LRRC43: variants seen among roughly 807,000 people sequenced by gnomAD.
LRRC43 encodes the protein leucine rich repeat containing 43.
In LRRC43, 62 loss-of-function variants were observed where a neutral mutation model predicts 64.3. The observed-to-expected ratio is 0.96, with a 90% CI of 0.79 to 1.19. LRRC43 has a LOEUF of 1.19. Among genes scored for constraint, LRRC43 ranks in the 50% most tolerant of loss-of-function variants. The pLI is 0.00. For synonymous variants in LRRC43, 422 were observed against 382.3 expected (o/e 1.10, Z -1.21); for missense variants, 868 against 845.0 (o/e 1.03, Z -0.34).
At chr12:122,193,090 C>T (rs1566011194) in intron 7 of LRRC43, 86 bp downstream of exon 7, 1 of 1,465,056 alleles carries the variant, frequency 6.8e-7, no homozygotes, top group East Asian at 2.4e-5. Context: ...CATTAAAAGT[C>T]CTGAGGCTGG....
intron 5 of LRRC43, 28 bp downstream of exon 5, chr12:122,190,396 G>A (rs746572209): frequency 7.0e-6 from 11 of 1,578,018 alleles, no homozygotes; most frequent in Admixed American, 1.7e-5. Flanking sequence ...CAGGGAGGGG[G>A]TGGCATGTGA....
At chr12:122,202,873 C>G (rs1953858110) in intron 11 of LRRC43, among the ~76,000 whole-genome samples, 1 of 152,174 alleles carries the variant, frequency 6.6e-6, no homozygotes, top group Admixed American at 6.5e-5. Context: ...AGGCGGATCA[C>G]TTGAGGTCAG....
chr12:122,187,514 T>A (rs1407224570), intron 3 of LRRC43, 187 bp from the exon 4 acceptor site: 1 of 556,802 alleles, frequency 1.8e-6, no homozygotes, highest in African/African-American at 1.9e-5. Context: ...AAAAGAAACT[T>A]CCCAAGACCT....
Position 122,195,253 on chromosome 12 carries a change from A to AT in LRRC43, c.1349+2262dup, listed in dbSNP as rs796677895. Among the ~76,000 whole-genome samples, 262 of 143,784 alleles carry AT rather than the reference A, an allele frequency of 1.8e-3. 1 individual carries two copies. The highest frequency in any genetic ancestry group is 8.4e-3 in the East Asian group (42 of 4,996). 94.3% of individuals were successfully genotyped at this position (143,784 alleles called of 152,430 possible). ...TTCTTTTCCCCTGCTACCCCAGAACATTTTTTTTTTTTTGAGAGGGAGTCT... is the reference window on the plus strand; with the variant it reads ...TTCTTTTCCCCTGCTACCCCAGAACATTTTTTTTTTTTTTGAGAGGGAGTCT... On this transcript the variant is annotated intron_variant, in intron 7 of 11. Transcript: ENST00000339777.
intron 4 of LRRC43, 29 bp from the exon 5 acceptor site, chr12:122,190,101 A>T (rs780976458): frequency 1.3e-5 from 21 of 1,588,408 alleles, no homozygotes; most frequent in Non-Finnish European, 1.7e-5. Context: ...TGGCTTCTTG[A>T]CCCCCAGACG....
intron 7 of LRRC43, among the ~76,000 whole-genome samples, chr12:122,193,229 A>G (rs1175040720): frequency 6.6e-6 from 1 of 151,562 alleles, no homozygotes; most frequent in East Asian, 1.9e-4. Flanking sequence ...AAATACGAAA[A>G]AATTAGCCAG....
rs754921318 is a variant in LRRC43, at chr12:122,184,689, C to T, written c.321C>T (p.Phe107=). ...LLNNSNAEDS[F]LRELAIRNPL... is the part of the protein sequence containing the mutation. ...ACAACTCGAATGCAGAAGACAGTTT[C>T]CTGAGAGAATTGGCCATCCGGAACC... The change falls in exon 2 of 12, where the codon TTC becomes TTT. Residue 107 remains phenylalanine, a synonymous_variant. Coordinates refer to ENST00000339777, the MANE Select transcript of LRRC43 (RefSeq NM_001098519.2). This position sits in a 1 kb window ranked among gnomAD's most constrained non-coding sequence, Gnocchi z 4.0. 2.5e-6 allele frequency: 4 copies of T among 1,614,002 alleles called. No homozygotes were observed. The South Asian group carries it at 3.3e-5, about 13-fold the overall frequency.
chr12:122,183,222 C>A lies in LRRC43; in HGVS notation c.78C>A (p.Thr26=). Residue 26 remains threonine (T), a synonymous_variant, in exon 1 of 12, where the codon ACC becomes ACA. Coordinates refer to ENST00000339777, the MANE Select transcript of LRRC43 (RefSeq NM_001098519.2). ...GGACTCAGCGGCCCGGGACCGGGAC[C>A]GTGAGCGCGGCCGTGCGCGAGCACT... ...GPGTQRPGTG[T]VSAAVREHLR... The A allele has an allele frequency of 6.4e-7, 1 of 1,566,564 alleles. No individual in the cohort carries two copies. Among genetic ancestry groups the A allele is most frequent in the East Asian group, 2.4e-5 (1 of 41,084 alleles).
At chr12:122,192,712 C>G (rs1232760526) in intron 6 of LRRC43, 33 bp from the exon 7 acceptor site, 1 of 1,605,788 alleles carries the variant, frequency 6.2e-7, no homozygotes, top group African/African-American at 1.3e-5. Context: ...CTGAAGACGG[C>G]AGCCTTGGAC....
intron 1 of LRRC43, among the ~76,000 whole-genome samples, chr12:122,175,984 G>A (rs1382503865): frequency 1.3e-5 from 2 of 152,122 alleles, no homozygotes; most frequent in East Asian, 1.9e-4. Flanking sequence ...TCATATTTTA[G>A]TGCCAGCTTT....
intron 6 of LRRC43, 94 bp from the exon 7 acceptor site, chr12:122,192,651 C>A: frequency 7.0e-7 from 1 of 1,436,434 alleles, no homozygotes; most frequent in East Asian, 2.3e-5. Flanking sequence ...GAACCTCATC[C>A]AGATGTCGGG....
At chr12:122,189,015 C>T (rs548232051) in intron 4 of LRRC43, among the ~76,000 whole-genome samples, 1 of 152,270 alleles carries the variant, frequency 6.6e-6, no homozygotes, top group African/African-American at 2.4e-5. Context: ...GCCGCTCCAT[C>T]GCTATTGAAG....
chr12:122,193,092 TGA>T (rs1953737457), intron 7 of LRRC43, 88 bp downstream of exon 7: 20 of 1,455,588 alleles, frequency 1.4e-5, no homozygotes, highest in Non-Finnish European at 1.9e-5. Context: ...TTAAAAGTCC[TGA>T]GGCTGGCGGG....
rs535581683 is a variant in LRRC43, at chr12:122,189,730, C to A, written c.663-400C>A. Among the ~76,000 whole-genome samples, 4 of 152,352 alleles carry A rather than the reference C, an allele frequency of 2.6e-5. No individual in the cohort carries two copies. The East Asian group carries it at 7.7e-4, about 29-fold the overall frequency. On this transcript the variant is annotated intron_variant, in intron 4 of 11. Transcript: ENST00000339777. Reference sequence around the variant, plus strand: ...CAACCCCACTCCTGCCCTGTCCACTCCTGCCCTGTCCACAACTCCCCCACG... The same window carrying A: ...CAACCCCACTCCTGCCCTGTCCACTACTGCCCTGTCCACAACTCCCCCACG...
In LRRC43 at chr12:122,200,763, G is replaced by A; in HGVS notation, c.1638G>A (p.Lys546=). The A allele has an allele frequency of 6.2e-7, 1 of 1,612,858 alleles. No homozygotes were observed. Among genetic ancestry groups the A allele is most frequent in the Non-Finnish European group, 8.5e-7 (1 of 1,180,004 alleles). ...CGTCGCAGGAGTGGAAGGTGCTGAA[G>A]AAGAAGAAAGAGCCGCCCAAGGAGC... ...KEPAKEWKVL[K]KKKEPPKELR... The change falls in exon 10 of 12, where the codon AAG becomes AAA. Residue 546 remains lysine, a synonymous_variant. Coordinates refer to ENST00000339777, the MANE Select transcript of LRRC43 (RefSeq NM_001098519.2). This position sits in a 1 kb window ranked among gnomAD's most constrained non-coding sequence, Gnocchi z 4.6.
At chr12:122,188,688 A>G (rs1388177124) in intron 4 of LRRC43, among the ~76,000 whole-genome samples, 1 of 150,690 alleles carries the variant, frequency 6.6e-6, no homozygotes, top group East Asian at 2.0e-4. Flanking sequence ...TGATCCACTT[A>G]CTTTGGCCTC....
At chr12:122,189,630 C>G (rs1953690475) in intron 4 of LRRC43, 1 of 376,694 alleles carries the variant, frequency 2.7e-6, no homozygotes, top group Admixed American at 3.3e-5. Context: ...CCCAGTCTGG[C>G]TTTGAGAAGC....
In LRRC43 at chr12:122,184,651, TG is replaced by T. The variant is rs1593144745; in HGVS notation, c.286del (p.Ala96LeufsTer3). 6.2e-7 allele frequency: 1 copy of T among 1,613,982 alleles called. No homozygotes were observed. The highest frequency in any genetic ancestry group is 2.2e-5 in the East Asian group (1 of 44,882). ...LGLVRSRHSP[W>X]ALLNNSNAED... ...CCTGGTCCGCAGCCGCCACTCCCCC[TG>T]GGCTCTGCTGAACAACTCGAATGCA... On this transcript the variant is annotated frameshift_variant, in exon 2 of 12. Transcript: ENST00000339777. LOFTEE classifies it high-confidence loss of function. The surrounding 1 kb of genome is among the most constrained non-coding windows in gnomAD (Gnocchi z 4.0).
At chr12:122,174,574 G>A (rs1012932357) in intron 1 of LRRC43, among the ~76,000 whole-genome samples, 2 of 152,178 alleles carry the variant, frequency 1.3e-5, no homozygotes, top group African/African-American at 2.4e-5. Flanking sequence ...CAAGGCCAGC[G>A]GCCACAGGGA....
Sources: allele counts gnomAD v4.1 joint callset (sites outside exome capture counted in the v4.1 genomes callset), GRCh38; gene constraint gnomAD v4.1.1; non-coding constraint Gnocchi (gnomAD v3.1); transcripts MANE v1.5; gene names NCBI Gene and HGNC (gene_info 2026-07-23, HGNC 2026-07-21).